The following MED12L variants were observed in gnomAD, a reference collection of about 807,000 sequenced individuals.
The protein encoded by MED12L is mediator complex subunit 12L.
A neutral mutation model predicts 281.3 loss-of-function variants in MED12L; 60 were observed. That is an observed-to-expected ratio of 0.21 (90% CI 0.17 to 0.26). The LOEUF is 0.26. MED12L is among the 10% of genes least tolerant of loss of function. The probability of loss-of-function intolerance (pLI) is 1.00; values close to 1 mark genes in which losing one functional copy is unlikely to be tolerated. For synonymous variants in MED12L, 974 were observed against 987.2 expected (o/e 0.99, Z 0.25); for missense variants, 2,146 against 2,680.9 (o/e 0.80, Z 4.41).
intron 5 of MED12L, among the ~76,000 whole-genome samples, chr3:151,150,787 G>T (rs935583759): frequency 2.6e-5 from 4 of 152,184 alleles, no homozygotes; most frequent in Non-Finnish European, 4.4e-5. Context: ...CTTCCATGTT[G>T]TGACAATGGC....
intron 16 of MED12L, among the ~76,000 whole-genome samples, chr3:151,261,691 T>TGTTTTGTTTC (rs1738922452): frequency 7.0e-5 from 3 of 43,094 alleles, no homozygotes; most frequent in African/African-American, 2.4e-4. Flanking sequence ...CGTGGTGTTT[T>TGTTTTGTTTC]GTTTTGTTTT....
chr3:151,428,412 A>G (rs977508945), intron 43 of MED12L, among the ~76,000 whole-genome samples: 1 of 152,212 alleles, frequency 6.6e-6, no homozygotes, highest in South Asian at 2.1e-4. Flanking sequence ...TGCTTCTCTA[A>G]TTTGTATTGG....
Position 151,313,838 on chromosome 3 carries a change from C to T in MED12L, c.2251-36221C>T, listed in dbSNP as rs1002331674. ...ACTTGGGAGGCTGAGGCAGGAGAAT[C>T]GCTTGAACGCAGGAGGCAGAGGTTG... On this transcript the variant is annotated intron_variant, in intron 16 of 44. Transcript: ENST00000687756. Among the ~76,000 whole-genome samples the T allele has an allele frequency of 2.3e-4, 35 of 151,510 alleles. 1 individual carries two copies. The highest frequency in any genetic ancestry group is 2.0e-3 in the Admixed American group (31 of 15,198).
chr3:151,306,702 A>T (rs1262606522), intron 16 of MED12L, among the ~76,000 whole-genome samples: 1 of 152,228 alleles, frequency 6.6e-6, no homozygotes, highest in African/African-American at 2.4e-5. Flanking sequence ...CAGGAAGAGC[A>T]GGCCGGTGTG....
intron 16 of MED12L, chr3:151,198,482 G>A (rs1430087127): frequency 2.5e-6 from 4 of 1,612,242 alleles, no homozygotes; most frequent in South Asian, 2.2e-5. Context: ...CTCTTTAGGT[G>A]AGGCAAAAGT....
chr3:151,188,368 A>G lies in MED12L; in HGVS notation c.1641A>G (p.Ser547=), dbSNP rs758211876. 2.5e-6 allele frequency: 4 copies of G among 1,604,870 alleles called. No homozygotes were observed. Among genetic ancestry groups the G allele is most frequent in the East Asian group, 2.2e-5 (1 of 44,808 alleles). ...AEIEAERCGE[S]EVLDEKESIS... ...TTAATCTGTAGAGATGTGGTGAATC[A>G]GAAGTCTTAGATGAGAAGGAGTCTA... Residue 547 remains serine, a synonymous_variant, in exon 13 of 45, where the codon TCA becomes TCG. Transcript: ENST00000687756.
chr3:151,427,036 T>G (rs1718955179), intron 43 of MED12L, among the ~76,000 whole-genome samples: 2 of 152,142 alleles, frequency 1.3e-5, no homozygotes, highest in Admixed American at 1.3e-4. Context: ...CAGGCTGGTC[T>G]TGAACTCCCA....
chr3:151,243,358 G>A (rs1363912940), intron 16 of MED12L, among the ~76,000 whole-genome samples: 6 of 151,040 alleles, frequency 4.0e-5, no homozygotes, highest in African/African-American at 1.2e-4. Context: ...GTTAAGGGCA[G>A]CCAGAGAGAA....
In MED12L at chr3:151,165,990, AT is replaced by A. The variant is rs34434571; in HGVS notation, c.1494+17del. The A allele has an allele frequency of 6.6e-5, 104 of 1,582,388 alleles. No individual in the cohort carries two copies. Among genetic ancestry groups the A allele is most frequent in the Admixed American group, 3.9e-4 (21 of 54,252 alleles). On this transcript the variant is annotated intron_variant, in intron 11 of 44. Coordinates refer to ENST00000687756, the MANE Select transcript of MED12L (RefSeq NM_001393769.1). ...AACAAAGATAACCAAGAGGTAGTTAATTTTTTTTTAATTCTTTTCACCTTTT... is the reference window on the plus strand; with the variant it reads ...AACAAAGATAACCAAGAGGTAGTTAATTTTTTTTAATTCTTTTCACCTTTT...
At chr3:151,240,342 C>T (rs1733830650) in intron 16 of MED12L, among the ~76,000 whole-genome samples, 1 of 152,192 alleles carries the variant, frequency 6.6e-6, no homozygotes, top group Non-Finnish European at 1.5e-5. Flanking sequence ...TCTCAGATTA[C>T]AGCTCAAGCA....
At chr3:151,148,669 T>A (rs948682610) in intron 5 of MED12L, among the ~76,000 whole-genome samples, 1 of 152,204 alleles carries the variant, frequency 6.6e-6, no homozygotes, top group Non-Finnish European at 1.5e-5. Flanking sequence ...GATTTGCTCC[T>A]TAGTCTCTGG....
intron 9 of MED12L, among the ~76,000 whole-genome samples, chr3:151,165,139 C>T (rs1305710845): frequency 6.6e-6 from 1 of 152,038 alleles, no homozygotes; most frequent in Non-Finnish European, 1.5e-5. Context: ...TATTTTAGAA[C>T]ATTCACCTTT....
intron 18 of MED12L, 126 bp downstream of exon 18, chr3:151,355,365 T>C: frequency 1.6e-6 from 1 of 616,090 alleles, no homozygotes; most frequent in Non-Finnish European, 2.8e-6. Flanking sequence ...TACTTGGAAG[T>C]ATCTCAGACT....
intron 2 of MED12L, among the ~76,000 whole-genome samples, chr3:151,091,258 T>C (rs571478281): frequency 1.3e-5 from 2 of 152,250 alleles, no homozygotes; most frequent in South Asian, 4.1e-4. Context: ...ATACACAGCA[T>C]GACTTAGGAG....
chr3:151,253,374 C>G (rs146794199), intron 16 of MED12L, among the ~76,000 whole-genome samples: 30 of 152,356 alleles, frequency 2.0e-4, no homozygotes, highest in African/African-American at 6.5e-4. Flanking sequence ...GCAACAGCAG[C>G]ATAAGATACA....
At position 151,430,396 on chromosome 3, in the gene MED12L, T is replaced by G. The variant is rs776760886; in HGVS notation, c.6490+16T>G. 2 of 1,613,876 alleles carry G rather than the reference T, an allele frequency of 1.2e-6. No homozygotes were observed. Among genetic ancestry groups the G allele is most frequent in the Admixed American group, 1.7e-5 (1 of 60,012 alleles). On this transcript the variant is annotated intron_variant, in intron 44 of 44. Coordinates refer to ENST00000687756, the MANE Select transcript of MED12L (RefSeq NM_001393769.1). ...CAGCTTTCCAGTAAGTACCCCTGTG[T>G]GTCATGGAACAGACAGCTCCCGGAA...
chr3:151,237,549 C>A (rs1310081796), intron 16 of MED12L, among the ~76,000 whole-genome samples: 1 of 151,578 alleles, frequency 6.6e-6, no homozygotes, highest in Non-Finnish European at 1.5e-5. Flanking sequence ...TGGGGTTTCA[C>A]CATGTTGGCC....
At position 151,127,851 on chromosome 3, in the gene MED12L, T is replaced by C. The variant is rs747511659; in HGVS notation, c.423T>C (p.Asp141=). 4.2e-5 allele frequency: 67 copies of C among 1,611,676 alleles called. No individual in the cohort carries two copies. The highest frequency in any genetic ancestry group is 1.0e-4 in the Admixed American group (6 of 59,950). The change falls in exon 5 of 45, where the codon GAT becomes GAC. Residue 141 remains aspartate (D), a synonymous_variant. Transcript: ENST00000687756. ...TTCCTATCCTTAGTAAAAAAGAGGATGTTTTTGCATATTTAGCTAAATATT... is the reference window on the plus strand; with the variant it reads ...TTCCTATCCTTAGTAAAAAAGAGGACGTTTTTGCATATTTAGCTAAATATT... The part of the protein sequence containing the change: ...KKVPILSKKE[D]VFAYLAKYSV...
rs1316133172 is a variant in MED12L at position 151,398,581 on chromosome 3, T to C, written c.5820+3714T>C. Among the ~76,000 whole-genome samples the C allele has an allele frequency of 4.6e-5, 7 of 152,360 alleles. 1 individual carries two copies. Among genetic ancestry groups the C allele is most frequent in the African/African-American group, 1.7e-4 (7 of 41,586 alleles). On this transcript the variant is annotated intron_variant, in intron 39 of 44. Coordinates refer to ENST00000687756, the MANE Select transcript of MED12L (RefSeq NM_001393769.1). ...GCATGGATATTGTTAAGTATTTTAA[T>C]GAGATTATTTGATGTAATAATTGTT... is the stretch of plus-strand genomic sequence containing the variant.
Sources: allele counts gnomAD v4.1 joint callset (sites outside exome capture counted in the v4.1 genomes callset), GRCh38; gene constraint gnomAD v4.1.1; transcripts MANE v1.5; gene names NCBI Gene and HGNC (gene_info 2026-07-23, HGNC 2026-07-21).